Variants in TSPAN9 observed in about 807,000 individuals in gnomAD.
The protein encoded by TSPAN9 is tetraspanin 9.
In TSPAN9, 16 loss-of-function variants were observed where a neutral mutation model predicts 31.0. The ratio of observed to expected loss-of-function variants is 0.52; its 90% CI spans 0.35 to 0.78. TSPAN9 has a LOEUF of 0.78. Among genes scored for constraint, TSPAN9 ranks in the 30% least tolerant of loss-of-function variants. The pLI is 0.01. For synonymous variants in TSPAN9, 145 were observed against 121.6 expected (o/e 1.19, Z -1.27); for missense variants, 272 against 312.5 (o/e 0.87, Z 0.98).
At position 3,107,194 on chromosome 12, in the gene TSPAN9, G is replaced by A. The variant is rs887644945; in HGVS notation, c.-18+23475G>A. On this transcript the variant is annotated intron_variant, in intron 2 of 8. Transcript: ENST00000011898. This position sits in a 1 kb window ranked among gnomAD's most constrained non-coding sequence, Gnocchi z 4.1. ...CCGGCGGCCCCCTCCGTGGGGAGTGGGGGAGGGAGGCTCTATCTAGAAAGC... is the reference window on the plus strand; with the variant it reads ...CCGGCGGCCCCCTCCGTGGGGAGTGAGGGAGGGAGGCTCTATCTAGAAAGC... 6.6e-6 allele frequency among the ~76,000 whole-genome samples: 1 copy of A among 152,182 alleles called. No homozygotes were observed. Among genetic ancestry groups the A allele is most frequent in the African/African-American group, 2.4e-5 (1 of 41,442 alleles).
At chr12:3,174,787 T>A (rs916166762) in intron 2 of TSPAN9, among the ~76,000 whole-genome samples, 2 of 149,348 alleles carry the variant, frequency 1.3e-5, no homozygotes, top group African/African-American at 4.9e-5. Context: ...TTTCACCGTG[T>A]TAGCCAGGAT....
In TSPAN9 at chr12:3,278,598, T is replaced by C; in HGVS notation, c.241T>C (p.Cys81Arg). Residue 81 changes from cysteine to arginine, a missense_variant, in exon 4 of 9, where the codon TGC (cysteine) becomes CGC (arginine). By Grantham distance (180) the Cys-to-Arg change is radical. Coordinates refer to ENST00000011898, the MANE Select transcript of TSPAN9 (RefSeq NM_006675.5). The stretch of plus-strand genomic sequence containing the variant: ...CCTGGGGGCCATCAAGGAAAACAAG[T>C]GCCTCCTCCTCAGCGTAAGTTCTGT... The part of the protein sequence containing the change: ...GCLGAIKENK[C>R]LLLSFFIVLL... 2 of 1,614,088 alleles carry C rather than the reference T, an allele frequency of 1.2e-6. No individual in the cohort carries two copies. Among genetic ancestry groups the C allele is most frequent in the Non-Finnish European group, 1.7e-6 (2 of 1,179,984 alleles).
intron 3 of TSPAN9, among the ~76,000 whole-genome samples, chr12:3,230,679 C>G (rs559057031): frequency 7.9e-5 from 12 of 152,184 alleles, no homozygotes; most frequent in Non-Finnish European, 1.6e-4. Context: ...CCACACTGCT[C>G]TGGGAACTGA....
At chr12:3,225,056 G>T (rs1005956360) in intron 3 of TSPAN9, among the ~76,000 whole-genome samples, 2 of 151,392 alleles carry the variant, frequency 1.3e-5, no homozygotes, top group African/African-American at 2.4e-5. Flanking sequence ...TAGCCCATGC[G>T]GTCAAAGAGC....
chr12:3,108,754 C>A (rs1400007895), intron 2 of TSPAN9, among the ~76,000 whole-genome samples: 2 of 152,092 alleles, frequency 1.3e-5, no homozygotes, highest in African/African-American at 4.8e-5. Flanking sequence ...CTGGAGATTT[C>A]TTCCACTTTA....
intron 3 of TSPAN9, among the ~76,000 whole-genome samples, chr12:3,218,997 C>T (rs933164683): frequency 5.9e-5 from 9 of 152,224 alleles, no homozygotes; most frequent in African/African-American, 1.2e-4. Context: ...GCCACTCTTG[C>T]TGGATGTCTG....
chr12:3,195,184 C>T (rs1292634786), intron 2 of TSPAN9, among the ~76,000 whole-genome samples: 1 of 152,128 alleles, frequency 6.6e-6, no homozygotes, highest in Non-Finnish European at 1.5e-5. Context: ...CAGCATGGGT[C>T]AGAAAGGGGC....
At chr12:3,184,885 A>G (rs1282618532) in intron 2 of TSPAN9, among the ~76,000 whole-genome samples, 3 of 152,168 alleles carry the variant, frequency 2.0e-5, no homozygotes, top group Non-Finnish European at 2.9e-5. Context: ...CACAGTTCAC[A>G]GGGAATGCAG....
At chr12:3,155,418 C>G (rs901377715) in intron 2 of TSPAN9, among the ~76,000 whole-genome samples, 1 of 152,106 alleles carries the variant, frequency 6.6e-6, no homozygotes, top group Non-Finnish European at 1.5e-5. Flanking sequence ...GGAGGCCTCT[C>G]CTGAATAGCT....
rs111333656 is a variant in TSPAN9 at position 3,139,590 on chromosome 12, A to G, written c.-18+55871A>G. On this transcript the variant is annotated intron_variant, in intron 2 of 8. Transcript: ENST00000011898. Reference sequence around the variant, plus strand: ...TTTTCCTTTTTTTCTTTTTTTTGAGACAGGGTCTTGCTCTGTCACCCAGGC... The same window carrying G: ...TTTTCCTTTTTTTCTTTTTTTTGAGGCAGGGTCTTGCTCTGTCACCCAGGC... 6.5e-3 allele frequency among the ~76,000 whole-genome samples: 991 copies of G among 151,892 alleles called. 9 individuals are homozygous for G. Among genetic ancestry groups the G allele is most frequent in the Admixed American group, 9.8e-3 (149 of 15,262 alleles).
chr12:3,109,291 T>TGTGTGTGTGG (rs1238916054), intron 2 of TSPAN9, among the ~76,000 whole-genome samples: 2 of 120,784 alleles, frequency 1.7e-5, no homozygotes, highest in Non-Finnish European at 3.4e-5. Flanking sequence ...TGTGTGTGTG[T>TGTGTGTGTGG]GTGTGTGTGA....
chr12:3,201,906 T>C (rs1221768224), intron 3 of TSPAN9, among the ~76,000 whole-genome samples: 1 of 152,198 alleles, frequency 6.6e-6, no homozygotes, highest in African/African-American at 2.4e-5. Context: ...GGTGGCTGGC[T>C]GCTGCTTTTG....
At chr12:3,223,180 G>A (rs1219446343) in intron 3 of TSPAN9, among the ~76,000 whole-genome samples, 1 of 152,246 alleles carries the variant, frequency 6.6e-6, no homozygotes. Context: ...AATCGATGCA[G>A]AGTAATTGCA....
Position 3,082,875 on chromosome 12 carries a change from C to T in TSPAN9, c.-84-778C>T, listed in dbSNP as rs564285279. On this transcript the variant is annotated intron_variant, in intron 1 of 8. Transcript: ENST00000011898. Reference sequence around the variant, plus strand: ...GATTCTAATTCCCTCTGATGTTCTCCTTGACCCTGAAATCACTGCTGTGAG... The same window carrying T: ...GATTCTAATTCCCTCTGATGTTCTCTTTGACCCTGAAATCACTGCTGTGAG... Among the ~76,000 whole-genome samples, 10 of 152,302 alleles carry T rather than the reference C, an allele frequency of 6.6e-5. No homozygotes were observed. In the South Asian group the frequency reaches 2.1e-3, roughly 32 times the overall value.
intron 1 of TSPAN9, among the ~76,000 whole-genome samples, chr12:3,081,808 T>TTGTGTG (rs985080707): frequency 3.4e-5 from 2 of 58,462 alleles, no homozygotes; most frequent in South Asian, 7.0e-4. Flanking sequence ...ATCTAAAAAA[T>TTGTGTG]TGTGTGTGTG....
chr12:3,095,458 C>T (rs1479701896), intron 2 of TSPAN9, among the ~76,000 whole-genome samples: 14 of 142,022 alleles, frequency 9.9e-5, no homozygotes, highest in East Asian at 4.2e-4. Context: ...CGGGCAGAGG[C>T]GCCCCTCACC....
chr12:3,251,485 A>AAAAGTTCTTTTTTCAAAAGTTC (rs1862243672), intron 3 of TSPAN9, among the ~76,000 whole-genome samples: 4 of 152,136 alleles, frequency 2.6e-5, no homozygotes, highest in African/African-American at 9.7e-5. Context: ...TTGATTTCTG[A>AAAAGTTCTTTTTTCAAAAGTTC]TTATAAAACT....
chr12:3,209,960 A>C (rs1469006318), intron 3 of TSPAN9, among the ~76,000 whole-genome samples: 1,621 of 51,338 alleles, frequency 0.032, 65 homozygotes, highest in African/African-American at 0.11. Context: ...CTCTGTCCCA[A>C]AAAAAAAAAA....
At chr12:3,118,876 C>T (rs2098323805) in intron 2 of TSPAN9, among the ~76,000 whole-genome samples, 1 of 152,180 alleles carries the variant, frequency 6.6e-6, no homozygotes, top group South Asian at 2.1e-4. Flanking sequence ...GGTCAGGTGA[C>T]ATGTTAAGCC....
Sources: gnomAD v4.1 joint callset for allele counts (sites outside exome capture counted in the v4.1 genomes callset) on GRCh38, gnomAD v4.1.1 for gene constraint, Gnocchi (gnomAD v3.1) non-coding constraint, MANE v1.5 for transcripts, NCBI Gene and HGNC (gene_info 2026-07-23, HGNC 2026-07-21) for gene names.